DNAJC15: variants seen among roughly 807,000 people sequenced by gnomAD.
DNAJC15 encodes dnaJ homolog subfamily C member 15.
Under a neutral mutation model 22.4 loss-of-function variants are expected in DNAJC15, and 27 were observed. The ratio of observed to expected loss-of-function variants is 1.20; its 90% CI spans 0.89 to 1.66. The LOEUF (loss-of-function observed/expected upper bound fraction) is 1.66. Ranked by LOEUF, DNAJC15 falls within the 40% of genes most tolerant of loss-of-function variation. The pLI is 0.00. For synonymous variants in DNAJC15, 79 were observed against 63.2 expected (o/e 1.25, Z -1.19); for missense variants, 208 against 187.1 (o/e 1.11, Z -0.65).
At chr13:43,043,572 A>G (rs770187391) in intron 1 of DNAJC15, among the ~76,000 whole-genome samples, 2 of 152,214 alleles carry the variant, frequency 1.3e-5, no homozygotes, top group South Asian at 2.1e-4. Context: ...ATCATTATCT[A>G]TAGTGAAGAT....
At chr13:43,090,144 G>A (rs745765447) in intron 5 of DNAJC15, among the ~76,000 whole-genome samples, 1 of 152,198 alleles carries the variant, frequency 6.6e-6, no homozygotes, top group Non-Finnish European at 1.5e-5. Flanking sequence ...ACCAGAAGAG[G>A]TTCAGAGGGC....
intron 5 of DNAJC15, among the ~76,000 whole-genome samples, chr13:43,098,340 AAG>A (rs1174531432): frequency 1.3e-5 from 2 of 152,178 alleles, no homozygotes; most frequent in Non-Finnish European, 2.9e-5. Context: ...GCAGTGGAAA[AAG>A]TGATGTGCAG....
At chr13:43,103,707 C>G (rs982623172) in intron 5 of DNAJC15, among the ~76,000 whole-genome samples, 1 of 152,112 alleles carries the variant, frequency 6.6e-6, no homozygotes, top group Non-Finnish European at 1.5e-5. Context: ...TTCATTTTGT[C>G]TACTTGTTTT....
At chr13:43,056,330 G>C (rs1423727560) in intron 1 of DNAJC15, among the ~76,000 whole-genome samples, 1 of 151,934 alleles carries the variant, frequency 6.6e-6, no homozygotes, top group Non-Finnish European at 1.5e-5. Context: ...TAGAGACATG[G>C]TTTCACCATG....
At chr13:43,072,889 A>G (rs950609493) in intron 3 of DNAJC15, among the ~76,000 whole-genome samples, 4 of 152,170 alleles carry the variant, frequency 2.6e-5, no homozygotes, top group Non-Finnish European at 5.9e-5. Flanking sequence ...CTAACTTCCA[A>G]GGATTCTTTC....
intron 5 of DNAJC15, among the ~76,000 whole-genome samples, chr13:43,087,715 AGCT>A (rs1566214433): frequency 6.6e-6 from 1 of 152,174 alleles, no homozygotes; most frequent in Non-Finnish European, 1.5e-5. Flanking sequence ...TTTTGCTACC[AGCT>A]GATAGAACAA....
chr13:43,102,369 C>T (rs183098759), intron 5 of DNAJC15, among the ~76,000 whole-genome samples: 246 of 152,198 alleles, frequency 1.6e-3, no homozygotes, highest in African/African-American at 5.5e-3. Flanking sequence ...TTTTCTCCTA[C>T]TCTGTGGGTT....
intron 3 of DNAJC15, among the ~76,000 whole-genome samples, chr13:43,074,360 C>T (rs577022152): frequency 1.3e-5 from 2 of 152,160 alleles, no homozygotes; most frequent in East Asian, 3.9e-4. Flanking sequence ...TTTATATATA[C>T]AATATTTTAT....
intron 5 of DNAJC15, among the ~76,000 whole-genome samples, chr13:43,087,838 A>G (rs779324369): frequency 2.0e-5 from 3 of 152,216 alleles, no homozygotes; most frequent in Admixed American, 6.5e-5. Context: ...CTGAAAATAA[A>G]TTTTTGTAAT....
rs80281651 is a variant in DNAJC15 at position 43,082,229 on chromosome 13, C to T, written c.312-3539C>T. On this transcript the variant is annotated intron_variant, in intron 4 of 5. Transcript: ENST00000379221. The stretch of plus-strand genomic sequence containing the variant: ...AAAACTGCTCCATTTGCCAGAAGGT[C>T]CAAGAACACCACTCCACATACCCCC... Among the ~76,000 whole-genome samples, 440 of 151,990 alleles carry T rather than the reference C, an allele frequency of 2.9e-3. 2 individuals are homozygous for T. Among genetic ancestry groups the T allele is most frequent in the African/African-American group, 9.4e-3 (388 of 41,448 alleles).
At chr13:43,048,745 A>C (rs1336197717) in intron 1 of DNAJC15, among the ~76,000 whole-genome samples, 2 of 152,220 alleles carry the variant, frequency 1.3e-5, no homozygotes, top group African/African-American at 2.4e-5. Context: ...TTTCATTTTT[A>C]AGTATATATG....
chr13:43,072,123 A>G (rs1320611334), intron 3 of DNAJC15, among the ~76,000 whole-genome samples: 2 of 151,770 alleles, frequency 1.3e-5, no homozygotes, highest in African/African-American at 4.8e-5. Flanking sequence ...ATTGTAGACA[A>G]CCTATTGTTT....
intron 1 of DNAJC15, among the ~76,000 whole-genome samples, chr13:43,037,128 A>G (rs906303216): frequency 1.3e-5 from 2 of 152,204 alleles, no homozygotes; most frequent in African/African-American, 2.4e-5. Context: ...TCTGCAGCCA[A>G]CATCCTTGTG....
rs992946681 is a variant in DNAJC15 at position 43,113,206 on chromosome 13, G to A, written c.*5958G>A. On this transcript the variant is annotated 3_prime_UTR_variant, in exon 6 of 6. Coordinates refer to ENST00000379221, the MANE Select transcript of DNAJC15 (RefSeq NM_013238.3). ...ACAAGAAATGAAGAGAGAGCTCAGT[G>A]TATTAAAGATGAAAACAAGAAAACC... The A allele has an allele frequency of 4.6e-5, 7 of 152,200 alleles. No individual in the cohort carries two copies. Among genetic ancestry groups the A allele is most frequent in the African/African-American group, 1.7e-4 (7 of 41,450 alleles). The allele number at this position is 152,200 out of a possible 1,614,324, so 9.4% of individuals were successfully genotyped here. A position where few individuals can be genotyped will look rare whatever the true frequency, so the allele number is the denominator to read the frequency against.
Position 43,108,923 on chromosome 13 carries a change from A to G in DNAJC15, c.*1675A>G, listed in dbSNP as rs1392807064. The G allele has an allele frequency of 6.6e-6, 1 of 152,164 alleles. No individual in the cohort carries two copies. Among genetic ancestry groups the G allele is most frequent in the Non-Finnish European group, 1.5e-5 (1 of 68,028 alleles). 9.4% of individuals were successfully genotyped at this position (152,164 alleles called of 1,614,324 possible). ...TTAAAGTCCCCATACGTGTCCTACT[A>G]ATTTTCTCATGCTTTAGTGTTTTCA... is the stretch of plus-strand genomic sequence containing the variant. On this transcript the variant is annotated 3_prime_UTR_variant, in exon 6 of 6. Coordinates refer to ENST00000379221, the MANE Select transcript of DNAJC15 (RefSeq NM_013238.3).
intron 1 of DNAJC15, among the ~76,000 whole-genome samples, chr13:43,047,266 A>G (rs1401444901): frequency 6.6e-6 from 1 of 152,240 alleles, no homozygotes; most frequent in Non-Finnish European, 1.5e-5. Context: ...CCGGAAGCCT[A>G]CATGTTGGAA....
chr13:43,026,656 A>G (rs1433096961), intron 1 of DNAJC15, among the ~76,000 whole-genome samples: 1 of 146,450 alleles, frequency 6.8e-6, no homozygotes, highest in Non-Finnish European at 1.5e-5. Flanking sequence ...TCTTATGGAA[A>G]ATAGAAAATA....
intron 1 of DNAJC15, among the ~76,000 whole-genome samples, chr13:43,050,871 T>C (rs911946715): frequency 6.6e-6 from 1 of 152,214 alleles, no homozygotes. Flanking sequence ...TTAGTGTGGA[T>C]AAGTAAGATT....
rs149860970 is a variant in DNAJC15, at chr13:43,056,782, A to G, written c.109-8904A>G. Among the ~76,000 whole-genome samples, 1,034 of 152,028 alleles carry G rather than the reference A, an allele frequency of 6.8e-3. 10 individuals carry two copies. The highest frequency in any genetic ancestry group is 9.6e-3 in the Non-Finnish European group (652 of 67,956). On this transcript the variant is annotated intron_variant, in intron 1 of 5. Coordinates refer to ENST00000379221, the MANE Select transcript of DNAJC15 (RefSeq NM_013238.3). ...TATAATGTCCCTCTTTGTGTTTTTT[A>G]ACTGTTGTTGCTTTGAAGTCTGTTT...
Sources: allele counts gnomAD v4.1 joint callset (sites outside exome capture counted in the v4.1 genomes callset), GRCh38; gene constraint gnomAD v4.1.1; transcripts MANE v1.5; gene names NCBI Gene and HGNC (gene_info 2026-07-23, HGNC 2026-07-21).